The following FGD4 variants were observed in gnomAD, a reference collection of about 807,000 sequenced individuals.
The protein encoded by FGD4 is FYVE, RhoGEF and PH domain containing 4, also known as FYVE, RhoGEF and PH domain-containing protein 4.
FGD4 carries 42 observed loss-of-function variants against 102.0 expected under a neutral mutation model. The ratio of observed to expected loss-of-function variants is 0.41; its 90% confidence interval spans 0.32 to 0.53. FGD4 has a LOEUF of 0.53. Ranked by LOEUF, FGD4 falls within the 20% of genes least tolerant of loss-of-function variation. The pLI, the probability that FGD4 is intolerant of heterozygous loss-of-function variation, is 0.21. For synonymous variants in FGD4, 380 were observed against 375.7 expected (o/e 1.01, Z -0.13); for missense variants, 902 against 1,078.2 (o/e 0.84, Z 2.29).
chr12:32,524,281 A>G (rs1940883045), intron 1 of FGD4, among the ~76,000 whole-genome samples: 1 of 150,872 alleles, frequency 6.6e-6, no homozygotes, highest in Non-Finnish European at 1.5e-5. Context: ...CCGTAGTCCC[A>G]GCTACTCGGG....
chr12:32,640,479 G>T lies in FGD4; in HGVS notation c.2658G>T (p.Glu886Asp). The T allele has an allele frequency of 6.2e-7, 1 of 1,614,138 alleles. No individual in the cohort carries two copies. Among genetic ancestry groups the T allele is most frequent in the South Asian group, 1.1e-5 (1 of 91,076 alleles). ...GTGAGACACCAGGTGGTCCAAATGAGCATCCAGCCACCTTGGATGATCATC... is the reference window on the plus strand; with the variant it reads ...GTGAGACACCAGGTGGTCCAAATGATCATCCAGCCACCTTGGATGATCATC... ...VTGETPGGPN[E>D]HPATLDDHPE... Residue 886 changes from glutamate to aspartate, a missense_variant, in exon 17 of 17, where the codon GAG becomes GAT. Glu to Asp is a conservative substitution (Grantham distance 45). Transcript: ENST00000534526.
At chr12:32,563,123 C>T (rs1201739056) in intron 1 of FGD4, among the ~76,000 whole-genome samples, 53 of 150,774 alleles carry the variant, frequency 3.5e-4, no homozygotes, top group Non-Finnish European at 7.4e-5. Flanking sequence ...CCGGACGGGA[C>T]GGCTGGCCTG....
chr12:32,411,540 GCAA>G (rs1271951935), intron 1 of FGD4, among the ~76,000 whole-genome samples: 8 of 149,674 alleles, frequency 5.3e-5, no homozygotes, highest in Non-Finnish European at 6.0e-5. Flanking sequence ...TCTCACAACA[GCAA>G]CAACAACAAC....
chr12:32,625,821 A>AT, intron 14 of FGD4, 42 bp downstream of exon 14: 1 of 1,612,590 alleles, frequency 6.2e-7, no homozygotes, highest in Non-Finnish European at 8.5e-7. Context: ...TAGTAACTAT[A>AT]TAAGTGATGT....
At chr12:32,630,810 G>A (rs1345213058) in intron 14 of FGD4, among the ~76,000 whole-genome samples, 120 of 117,464 alleles carry the variant, frequency 1.0e-3, no homozygotes, top group African/African-American at 5.1e-3. Flanking sequence ...GTGAGACTAT[G>A]TCAAAAAAAA....
At chr12:32,572,475 C>G (rs1335196225) in intron 2 of FGD4, among the ~76,000 whole-genome samples, 5 of 152,068 alleles carry the variant, frequency 3.3e-5, no homozygotes, top group African/African-American at 1.2e-4. Flanking sequence ...TAATATTTAT[C>G]TGATGAAAGG....
chr12:32,583,479 GTGT>G (rs1366642467), intron 4 of FGD4, among the ~76,000 whole-genome samples: 1 of 152,170 alleles, frequency 6.6e-6, no homozygotes, highest in Non-Finnish European at 1.5e-5. Flanking sequence ...TCCCAGGCTA[GTGT>G]TGTGTCCCTG....
chr12:32,530,995 A>G (rs1592130093), intron 1 of FGD4, among the ~76,000 whole-genome samples: 1 of 112,486 alleles, frequency 8.9e-6, no homozygotes, highest in Admixed American at 1.4e-4. Context: ...CTCTGTCGCC[A>G]GGCTGGAGTG....
chr12:32,530,479 A>G (rs1223596881), intron 1 of FGD4, among the ~76,000 whole-genome samples: 1 of 152,128 alleles, frequency 6.6e-6, no homozygotes, highest in Admixed American at 6.6e-5. Context: ...ACTCCATCTC[A>G]AAAAAAGAAA....
intron 1 of FGD4, among the ~76,000 whole-genome samples, chr12:32,492,048 T>G (rs1452519885): frequency 6.6e-6 from 1 of 152,222 alleles, no homozygotes; most frequent in African/African-American, 2.4e-5. Context: ...TTGGAGACTA[T>G]TAAAAGCCTT....
chr12:32,415,667 C>T (rs1311521559), intron 1 of FGD4, among the ~76,000 whole-genome samples: 4 of 152,118 alleles, frequency 2.6e-5, no homozygotes, highest in South Asian at 2.1e-4. Context: ...GTGATCTGCC[C>T]GCATTGGCCT....
At chr12:32,502,104 T>C in intron 1 of FGD4, 3 of 985,398 alleles carry the variant, frequency 3.0e-6, no homozygotes, top group Non-Finnish European at 3.6e-6. Flanking sequence ...ACCAATCGCC[T>C]TAGGAGGGCT....
At chr12:32,640,149 C>T in intron 16 of FGD4, 127 bp from the exon 17 acceptor site, 1 of 1,403,136 alleles carries the variant, frequency 7.1e-7, no homozygotes, top group Non-Finnish European at 1.0e-6. Flanking sequence ...GCCCTCTGTG[C>T]CCATGGAGAA....
intron 1 of FGD4, among the ~76,000 whole-genome samples, chr12:32,530,017 A>T (rs1037490708): frequency 6.6e-6 from 1 of 152,114 alleles, no homozygotes; most frequent in African/African-American, 2.4e-5. Context: ...TATAGTTTTT[A>T]TTCACTTCTT....
chr12:32,482,702 A>C (rs1014140936), intron 1 of FGD4, among the ~76,000 whole-genome samples: 3 of 152,220 alleles, frequency 2.0e-5, no homozygotes, highest in African/African-American at 7.2e-5. Context: ...CAGGCATAAA[A>C]ATTTTTAAGT....
intron 1 of FGD4, among the ~76,000 whole-genome samples, chr12:32,402,302 G>A (rs1212460812): frequency 4.6e-5 from 7 of 151,680 alleles, no homozygotes; most frequent in Admixed American, 4.6e-4. Flanking sequence ...GTGGACTGAA[G>A]TGGGAGGATC....
chr12:32,546,613 G>A (rs1343396176), intron 1 of FGD4, among the ~76,000 whole-genome samples: 1 of 152,194 alleles, frequency 6.6e-6, no homozygotes, highest in Non-Finnish European at 1.5e-5. Context: ...TCTCCCTGAG[G>A]AGGTTTGGGT....
chr12:32,609,256 T>C (rs1327360282), intron 8 of FGD4, among the ~76,000 whole-genome samples: 1 of 152,180 alleles, frequency 6.6e-6, no homozygotes, highest in Non-Finnish European at 1.5e-5. Context: ...CTCTTCTCCA[T>C]TGGCCCCTTC....
chr12:32,446,723 C>G (rs892499232), intron 1 of FGD4, among the ~76,000 whole-genome samples: 1 of 152,176 alleles, frequency 6.6e-6, no homozygotes. Flanking sequence ...CTATCAACAG[C>G]ATGCGCGTGA....
Sources: gnomAD v4.1 joint callset for allele counts (sites outside exome capture counted in the v4.1 genomes callset) on GRCh38, gnomAD v4.1.1 for gene constraint, MANE v1.5 for transcripts, NCBI Gene and HGNC (gene_info 2026-07-23, HGNC 2026-07-21) for gene names.